The following SLX4 variants were observed in gnomAD, a reference collection of about 807,000 sequenced individuals.
SLX4 encodes the protein SLX4 structure-specific endonuclease subunit.
Under a neutral mutation model 146.2 loss-of-function variants are expected in SLX4, and 112 were observed. The ratio of observed to expected loss-of-function variants is 0.77; its 90% CI spans 0.66 to 0.90. The LOEUF (loss-of-function observed/expected upper bound fraction) is 0.90, where lower values mean the gene tolerates loss of function less well. Ranked by LOEUF, SLX4 falls within the 40% of genes least tolerant of loss-of-function variation. The pLI is 0.00. For synonymous variants in SLX4, 1,061 were observed against 997.7 expected (o/e 1.06, Z -1.20); for missense variants, 2,563 against 2,392.7 (o/e 1.07, Z -1.49).
intron 2 of SLX4, among the ~76,000 whole-genome samples, chr16:3,607,587 G>A (rs939374145): frequency 6.6e-6 from 1 of 152,302 alleles, no homozygotes; most frequent in East Asian, 1.9e-4. Context: ...GGGAGGCTGA[G>A]GCAGGGAGGA....
intron 3 of SLX4, among the ~76,000 whole-genome samples, chr16:3,604,490 T>TA (rs1475561787): frequency 6.6e-6 from 1 of 152,104 alleles, no homozygotes; most frequent in Non-Finnish European, 1.5e-5. Context: ...TAAAGGATCC[T>TA]AATGTCTATA....
chr16:3,585,932 G>A (rs916280310), intron 12 of SLX4, among the ~76,000 whole-genome samples: 3 of 151,916 alleles, frequency 2.0e-5, no homozygotes, highest in Admixed American at 6.6e-5. Flanking sequence ...GAGCCAGGAA[G>A]GTTGAGGCTG....
rs762874576 is a variant in SLX4, at chr16:3,582,703, G to A, written c.5154-10C>T. 6 of 1,607,378 alleles carry A rather than the reference G, an allele frequency of 3.7e-6. No individual in the cohort carries two copies. Among genetic ancestry groups the A allele is most frequent in the Non-Finnish European group, 4.2e-6 (5 of 1,178,138 alleles). On this transcript the variant is annotated splice_polypyrimidine_tract_variant and intron_variant, in intron 14 of 14. Transcript: ENST00000294008. ...CTCACAGGAGGAAGAACTGAAAAGA[G>A]CCAGACCAGGACGTTGTGCAACCCC...
chr16:3,599,397 C>A (rs747927914), intron 5 of SLX4, among the ~76,000 whole-genome samples: 1 of 152,254 alleles, frequency 6.6e-6, no homozygotes, highest in Non-Finnish European at 1.5e-5. Context: ...GGTGTCAGCT[C>A]TAGCGTCCTC....
intron 10 of SLX4, 152 bp from the exon 11 acceptor site, chr16:3,593,017 T>C: frequency 1.4e-6 from 1 of 724,792 alleles, no homozygotes; most frequent in African/African-American, 1.8e-5. Flanking sequence ...TAGAGTACAG[T>C]GGTGTGATCA....
rs200113605 is a variant in SLX4 at position 3,608,594 on chromosome 16, C to G, written c.371G>C (p.Arg124Thr). ...GSQAPRTKKQ[R>T]VTKWQASEPA... ...TTCACTTGCTTGCCATTTGGTTACC[C>G]TTTGCTTTTTAGTCCTAGGGGCCTG... Residue 124 changes from arginine (R) to threonine (T), a missense_variant, in exon 2 of 15, where the codon AGG becomes ACG. Coordinates refer to ENST00000294008, the MANE Select transcript of SLX4 (RefSeq NM_032444.4). 1.2e-6 allele frequency: 2 copies of G among 1,614,130 alleles called. No homozygotes were observed.
Position 3,590,516 on chromosome 16 carries a change from T to C in SLX4, c.3122A>G (p.Gln1041Arg), listed in dbSNP as rs1384033342. 6.2e-7 allele frequency: 1 copy of C among 1,613,396 alleles called. No individual in the cohort carries two copies. Among genetic ancestry groups the C allele is most frequent in the African/African-American group, 1.3e-5 (1 of 75,036 alleles). ...HPCRFLLGPPQGGSPRGSHHT... is the reference protein window; with the variant it reads ...HPCRFLLGPPRGGSPRGSHHT... ...ATGAGACCCGCGGGGACTCCCGCCC[T>C]GGGGAGGCCCCAATAGGAAGCGGCA... The change falls in exon 12 of 15, where the codon CAG becomes CGG. Residue 1041 changes from glutamine (Q) to arginine (R), a missense_variant. Gln to Arg is a conservative substitution (Grantham distance 43, BLOSUM62 1). Coordinates refer to ENST00000294008, the MANE Select transcript of SLX4 (RefSeq NM_032444.4). The surrounding 1 kb of genome is among the most constrained non-coding windows in gnomAD (Gnocchi z 4.8).
chr16:3,609,070 G>T lies in SLX4; in HGVS notation c.-106C>A. 1 of 1,383,556 alleles carries T rather than the reference G, an allele frequency of 7.2e-7. No individual in the cohort carries two copies. The highest frequency in any genetic ancestry group is 9.9e-7 in the Non-Finnish European group (1 of 1,009,968). The allele number at this position is 1,383,556 out of a possible 1,614,324, so 85.7% of individuals were successfully genotyped here. On this transcript the variant is annotated 5_prime_UTR_variant, in exon 2 of 15. Transcript: ENST00000294008. ...TGATTGAAGTATCTTTGTTCAAATTGGGCCTGTGGTTAAACATGTTTAAAG... is the reference window on the plus strand; with the variant it reads ...TGATTGAAGTATCTTTGTTCAAATTTGGCCTGTGGTTAAACATGTTTAAAG...
At chr16:3,586,002 C>T (rs1192436868) in intron 12 of SLX4, among the ~76,000 whole-genome samples, 1 of 151,262 alleles carries the variant, frequency 6.6e-6, no homozygotes, top group Non-Finnish European at 1.5e-5. Flanking sequence ...GACCTTGTCT[C>T]AAAACAATAA....
rs114014006 is a variant in SLX4, at chr16:3,590,814, C to G, written c.2824G>C (p.Glu942Gln). The change falls in exon 12 of 15, where the codon GAG becomes CAG. Residue 942 changes from glutamate (E) to glutamine (Q), a missense_variant. Transcript: ENST00000294008. This position sits in a 1 kb window ranked among gnomAD's most constrained non-coding sequence, Gnocchi z 4.8. Reference sequence around the variant, plus strand: ...TCTGGCGCCTCCTGCTCAGGGGCCTCTGCTCCCCGTGCCCCTGAGTGCTGG... The same window carrying G: ...TCTGGCGCCTCCTGCTCAGGGGCCTGTGCTCCCCGTGCCCCTGAGTGCTGG... ...QGQHSGARGA[E>Q]APEQEAPEEA... is the part of the protein sequence containing the mutation. 5.0e-3 allele frequency: 8,011 copies of G among 1,614,066 alleles called. 141 individuals carry two copies. The African/African-American group carries it at 0.055, about 11-fold the overall frequency.
At chr16:3,594,668 T>G in intron 9 of SLX4, 69 bp from the exon 10 acceptor site, 1 of 1,606,678 alleles carries the variant, frequency 6.2e-7, no homozygotes, top group Non-Finnish European at 8.5e-7. Context: ...AGTGGGAAGC[T>G]CCCCGCATGG....
chr16:3,596,644 A>G (rs576124144), intron 7 of SLX4, among the ~76,000 whole-genome samples: 1 of 152,270 alleles, frequency 6.6e-6, no homozygotes, highest in Admixed American at 6.5e-5. Context: ...TGTTTGCACA[A>G]AGGCTTGTCA....
rs769286208 is a variant in SLX4 at position 3,608,576 on chromosome 16, G to C, written c.389C>G (p.Ala130Gly). The C allele has an allele frequency of 6.2e-7, 1 of 1,614,154 alleles. No homozygotes were observed. The highest frequency in any genetic ancestry group is 8.5e-7 in the Non-Finnish European group (1 of 1,180,030). The part of the protein sequence containing the change: ...TKKQRVTKWQ[A>G]SEPAHSVNGE... ...ATTCACAGAGTGGGCCGGTTCACTT[G>C]CTTGCCATTTGGTTACCCTTTGCTT... The change falls in exon 2 of 15, where the codon GCA becomes GGA. Residue 130 changes from alanine (A) to glycine (G), a missense_variant. By Grantham distance (60) the Ala-to-Gly change is moderately conservative. Transcript: ENST00000294008.
In SLX4 at chr16:3,583,091, G is replaced by A. The variant is rs754209356; in HGVS notation, c.5153+6C>T. The A allele has an allele frequency of 1.9e-5, 30 of 1,614,110 alleles. No homozygotes were observed. The highest frequency in any genetic ancestry group is 8.3e-5 in the Admixed American group (5 of 60,014). The stretch of plus-strand genomic sequence containing the variant: ...GCCACTGACCCCATCGCATCCATCC[G>A]GTTACCTCTGTGAGCTCAAGGAGCT... On this transcript the variant is annotated splice_donor_region_variant and intron_variant, in intron 14 of 14. Transcript: ENST00000294008.
Position 3,592,822 on chromosome 16 carries a change from G to C in SLX4, c.2204C>G (p.Thr735Ser). Reference sequence around the variant, plus strand: ...CACGTCACCCAGCAGGACACGCTGGGTCAGAACCCCGTCCTCTACAGCGGA... The same window carrying C: ...CACGTCACCCAGCAGGACACGCTGGCTCAGAACCCCGTCCTCTACAGCGGA... ...GFSAVEDGVL[T>S]QRVLLGDVST... The change falls in exon 11 of 15, where the codon ACC (threonine) becomes AGC (serine). Residue 735 changes from threonine to serine, a missense_variant. Physicochemically the swap from Thr to Ser is moderately conservative, Grantham distance 58. Transcript: ENST00000294008. 6.2e-7 allele frequency: 1 copy of C among 1,612,386 alleles called. No homozygotes were observed. Among genetic ancestry groups the C allele is most frequent in the East Asian group, 2.2e-5 (1 of 44,870 alleles).
chr16:3,585,006 G>A (rs768459500), intron 12 of SLX4, 135 bp from the exon 13 acceptor site: 53 of 743,044 alleles, frequency 7.1e-5, no homozygotes, highest in Non-Finnish European at 1.2e-4. Context: ...GAAAGCAACA[G>A]TGGTCACCCC....
chr16:3,588,054 C>G (rs1461079874), intron 12 of SLX4, among the ~76,000 whole-genome samples: 1 of 152,226 alleles, frequency 6.6e-6, no homozygotes, highest in Non-Finnish European at 1.5e-5. Context: ...AACAGCCTCT[C>G]ACACTTGTCC....
chr16:3,591,187 T>C lies in SLX4; in HGVS notation c.2451A>G (p.Glu817=). 3.7e-6 allele frequency: 6 copies of C among 1,614,104 alleles called. No homozygotes were observed. The highest frequency in any genetic ancestry group is 5.1e-6 in the Non-Finnish European group (6 of 1,180,014). ...CATCTGCCCACATTGACCTCAAGAGTTCCTGGAAATTCTCGGCCCTGCTTT... is the reference window on the plus strand; with the variant it reads ...CATCTGCCCACATTGACCTCAAGAGCTCCTGGAAATTCTCGGCCCTGCTTT... ...NCESRAENFQ[E]LLRSMWADEE... is the part of the protein sequence containing the mutation. The change falls in exon 12 of 15, where the codon GAA becomes GAG. Residue 817 remains glutamate (E), a synonymous_variant. Coordinates refer to ENST00000294008, the MANE Select transcript of SLX4 (RefSeq NM_032444.4).
chr16:3,595,370 C>G (rs1028563453), intron 9 of SLX4, among the ~76,000 whole-genome samples: 3 of 152,232 alleles, frequency 2.0e-5, no homozygotes, highest in Non-Finnish European at 2.9e-5. Context: ...CATGGAGTCA[C>G]AGACAGAAAA....
Sources: gnomAD v4.1 joint callset for allele counts (sites outside exome capture counted in the v4.1 genomes callset) on GRCh38, gnomAD v4.1.1 for gene constraint, Gnocchi (gnomAD v3.1) non-coding constraint, MANE v1.5 for transcripts, NCBI Gene and HGNC (gene_info 2026-07-23, HGNC 2026-07-21) for gene names.